Variants in GMDS observed in about 807,000 individuals in gnomAD.
GMDS encodes the protein GDP-mannose 4,6 dehydratase.
Under a neutral mutation model 49.9 loss-of-function variants are expected in GMDS, and 20 were observed. The ratio of observed to expected loss-of-function variants is 0.40; its 90% CI spans 0.28 to 0.58. GMDS has a LOEUF of 0.58. GMDS is among the 20% of genes least tolerant of loss of function. GMDS has a pLI of 0.42. For synonymous variants in GMDS, 177 were observed against 178.6 expected (o/e 0.99, Z 0.07); for missense variants, 362 against 481.4 (o/e 0.75, Z 2.32).
chr6:2,239,029 TA>T (rs200353675), intron 1 of GMDS, among the ~76,000 whole-genome samples: 10 of 149,386 alleles, frequency 6.7e-5, no homozygotes, highest in South Asian at 6.4e-4. Context: ...TGGTTTCATT[TA>T]AAAAAAAAAC....
Position 1,787,146 on chromosome 6 carries a change from C to T in GMDS, c.772-44560G>A, listed in dbSNP as rs143607262. On this transcript the variant is annotated intron_variant, in intron 7 of 10. Coordinates refer to ENST00000380815, the MANE Select transcript of GMDS (RefSeq NM_001500.4). ...GGGTATGCCTTAATCTCTCCCCTGG[C>T]TAAGCTGCCATCATATAAATCAGAG... 4.2e-3 allele frequency among the ~76,000 whole-genome samples: 635 copies of T among 152,302 alleles called. 2 individuals are homozygous for T. Among genetic ancestry groups the T allele is most frequent in the African/African-American group, 0.015 (611 of 41,554 alleles).
intron 4 of GMDS, among the ~76,000 whole-genome samples, chr6:2,035,112 A>T (rs146062832): frequency 1.2e-3 from 177 of 152,260 alleles, no homozygotes; most frequent in Non-Finnish European, 1.3e-3. Flanking sequence ...CACACACACA[A>T]CATCACATTG....
chr6:1,738,626 T>A (rs2113479168), intron 8 of GMDS, among the ~76,000 whole-genome samples: 1 of 152,016 alleles, frequency 6.6e-6, no homozygotes, highest in East Asian at 1.9e-4. Context: ...CAGCCTCATG[T>A]AATATGAGGC....
At chr6:2,145,204 T>C (rs1445030795) in intron 1 of GMDS, among the ~76,000 whole-genome samples, 3 of 152,180 alleles carry the variant, frequency 2.0e-5, no homozygotes, top group Non-Finnish European at 4.4e-5. Flanking sequence ...AAACATTTAG[T>C]ACCCAAAACA....
At chr6:1,657,745 C>T (rs1763929711) in intron 9 of GMDS, among the ~76,000 whole-genome samples, 1 of 150,324 alleles carries the variant, frequency 6.7e-6, no homozygotes, top group Non-Finnish European at 1.5e-5. Context: ...CCCGCACTCA[C>T]CAATTTCTAT....
At chr6:2,084,442 T>C (rs1338736690) in intron 4 of GMDS, among the ~76,000 whole-genome samples, 1 of 152,210 alleles carries the variant, frequency 6.6e-6, no homozygotes, top group Admixed American at 6.5e-5. Context: ...TCCCAGATTC[T>C]AGATTACTCA....
chr6:1,900,459 T>G (rs923077355), intron 7 of GMDS, among the ~76,000 whole-genome samples: 1 of 152,214 alleles, frequency 6.6e-6, no homozygotes, highest in Non-Finnish European at 1.5e-5. Context: ...TTATTACGAT[T>G]AAAAATGTGT....
intron 7 of GMDS, among the ~76,000 whole-genome samples, chr6:1,898,988 G>A (rs1323997224): frequency 6.6e-6 from 1 of 152,214 alleles, no homozygotes; most frequent in Admixed American, 6.5e-5. Flanking sequence ...ATGAAATAAT[G>A]TACATAACAG....
chr6:1,905,124 T>A (rs1050029769), intron 7 of GMDS, among the ~76,000 whole-genome samples: 1 of 152,356 alleles, frequency 6.6e-6, no homozygotes, highest in East Asian at 1.9e-4. Flanking sequence ...GCAAGCTACT[T>A]AACCAAGCGA....
intron 4 of GMDS, among the ~76,000 whole-genome samples, chr6:2,094,136 G>C (rs549845220): frequency 6.6e-6 from 1 of 152,232 alleles, no homozygotes; most frequent in Non-Finnish European, 1.5e-5. Context: ...CTGGACACAA[G>C]AGCTCTCTTC....
intron 6 of GMDS, among the ~76,000 whole-genome samples, chr6:1,957,569 T>C (rs1338950307): frequency 6.6e-6 from 1 of 152,090 alleles, no homozygotes; most frequent in Non-Finnish European, 1.5e-5. Context: ...CAAAACAAAA[T>C]GGTGTATGCT....
intron 1 of GMDS, among the ~76,000 whole-genome samples, chr6:2,183,580 A>C (rs1778649639): frequency 1.3e-5 from 2 of 152,212 alleles, no homozygotes; most frequent in African/African-American, 4.8e-5. Flanking sequence ...TATTACATAA[A>C]CTTAGTTGAT....
intron 4 of GMDS, among the ~76,000 whole-genome samples, chr6:1,971,219 A>G (rs753384408): frequency 2.6e-5 from 4 of 152,068 alleles, no homozygotes; most frequent in African/African-American, 4.8e-5. Context: ...GTGGCTCTGG[A>G]GCAGAGGACA....
Position 2,156,512 on chromosome 6 carries a change from CA to C in GMDS, c.103-31782del, listed in dbSNP as rs1777121227. Among the ~76,000 whole-genome samples, 2 of 152,078 alleles carry C rather than the reference CA, an allele frequency of 1.3e-5. 1 individual carries two copies. The highest frequency in any genetic ancestry group is 4.1e-4 in the South Asian group (2 of 4,822). ...AACAAGCAAATAATGACTTTCACAA[CA>C]AATTTAAGTCACTGTTTTTTTACAA... is the stretch of plus-strand genomic sequence containing the variant. On this transcript the variant is annotated intron_variant, in intron 1 of 10. Transcript: ENST00000380815.
chr6:1,811,929 T>C (rs753685028), intron 7 of GMDS, among the ~76,000 whole-genome samples: 1 of 152,230 alleles, frequency 6.6e-6, no homozygotes, highest in Non-Finnish European at 1.5e-5. Context: ...AGCTCTGATA[T>C]TCATTTAACC....
chr6:1,672,534 G>T (rs370285928), intron 9 of GMDS, among the ~76,000 whole-genome samples: 20 of 152,346 alleles, frequency 1.3e-4, no homozygotes, highest in African/African-American at 4.8e-4. Flanking sequence ...GTAGAAAGGA[G>T]CATTTCACAA....
intron 2 of GMDS, among the ~76,000 whole-genome samples, chr6:2,119,803 T>G (rs1356429606): frequency 6.6e-6 from 1 of 152,160 alleles, no homozygotes; most frequent in Non-Finnish European, 1.5e-5. Context: ...TCTGAAACAC[T>G]GAGGTCTTAC....
intron 7 of GMDS, among the ~76,000 whole-genome samples, chr6:1,925,979 G>A (rs773567624): frequency 5.3e-5 from 8 of 152,178 alleles, no homozygotes; most frequent in Non-Finnish European, 1.0e-4. Context: ...CCAGCACACC[G>A]GCAGGCCACA....
chr6:2,203,362 C>T (rs1361002916), intron 1 of GMDS, among the ~76,000 whole-genome samples: 2 of 152,172 alleles, frequency 1.3e-5, no homozygotes, highest in East Asian at 1.9e-4. Flanking sequence ...CCTTCCCTGT[C>T]GGGCTTTGCT....
Sources: allele counts gnomAD v4.1 joint callset (sites outside exome capture counted in the v4.1 genomes callset), GRCh38; gene constraint gnomAD v4.1.1; transcripts MANE v1.5; gene names NCBI Gene and HGNC (gene_info 2026-07-23, HGNC 2026-07-21).